The following ARHGAP23 variants were observed in gnomAD, a reference collection of about 807,000 sequenced individuals.
The protein encoded by ARHGAP23 is Rho GTPase activating protein 23.
A neutral mutation model predicts 136.3 loss-of-function variants in ARHGAP23; 34 were observed. The ratio of observed to expected loss-of-function variants is 0.25; its 90% CI spans 0.19 to 0.33. ARHGAP23 has a LOEUF of 0.33. Ranked by LOEUF, ARHGAP23 falls within the 10% of genes least tolerant of loss-of-function variation. ARHGAP23 has a pLI of 1.00. For synonymous variants in ARHGAP23, 832 were observed against 920.5 expected, an observed-to-expected ratio of 0.90 and a Z score of 1.74; for missense variants, 1,808 against 2,139.0, an observed-to-expected ratio of 0.85 and a Z score of 3.05.
rs939981793 is a variant in ARHGAP23 at position 38,467,095 on chromosome 17, C to T, written c.1412C>T (p.Pro471Leu). 9.7e-6 allele frequency: 15 copies of T among 1,550,524 alleles called. No homozygotes were observed. Among genetic ancestry groups the T allele is most frequent in the Middle Eastern group, 1.7e-4 (1 of 6,012 alleles). ...EASEPPRVVR[P>L]EPSTRALEPP... ...TCCGAGCCACCCAGGGTTGTACGGCCGGAACCCAGCACCCGGGCCCTGGAG... is the reference window on the plus strand; with the variant it reads ...TCCGAGCCACCCAGGGTTGTACGGCTGGAACCCAGCACCCGGGCCCTGGAG... Residue 471 changes from proline to leucine, a missense_variant, in exon 7 of 24, where the codon CCG (proline) becomes CTG (leucine). Pro to Leu is a moderately conservative substitution (Grantham distance 98). This residue lies in a region of ARHGAP23 where 859 missense variants were observed against 936.4 expected (regional missense o/e 0.92). Transcript: ENST00000622683.
intron 20 of ARHGAP23, among the ~76,000 whole-genome samples, chr17:38,493,925 C>G (rs2040333616): frequency 1.3e-5 from 2 of 152,198 alleles, no homozygotes; most frequent in Non-Finnish European, 2.9e-5. Flanking sequence ...GGCATTTGCT[C>G]AGGGACTCAC....
chr17:38,471,769 A>T (rs2144673210), intron 10 of ARHGAP23, 94 bp from the exon 11 acceptor site: 2 of 1,403,240 alleles, frequency 1.4e-6, no homozygotes, highest in Middle Eastern at 5.1e-4. Context: ...ACAGACATAT[A>T]TCAGGCCTGT....
intron 23 of ARHGAP23, among the ~76,000 whole-genome samples, chr17:38,501,382 A>G (rs935377622): frequency 6.6e-6 from 1 of 152,000 alleles, no homozygotes; most frequent in Non-Finnish European, 1.5e-5. Flanking sequence ...GCTCACTGCA[A>G]GCTCCGCCTC....
chr17:38,477,695 G>C lies in ARHGAP23; in HGVS notation c.2235G>C (p.Ala745=), dbSNP rs1463082897. The C allele has an allele frequency of 7.1e-7, 1 of 1,416,296 alleles. No homozygotes were observed. Among genetic ancestry groups the C allele is most frequent in the Non-Finnish European group, 9.2e-7 (1 of 1,081,378 alleles). 87.7% of individuals were successfully genotyped at this position (1,416,296 alleles called of 1,614,324 possible). The part of the protein sequence containing the change: ...EPGPAAAGAA[A]AGAGEDEAAP... The stretch of plus-strand genomic sequence containing the variant: ...GGCCGGCGGCGGCGGGGGCTGCGGC[G>C]GCCGGCGCAGGTGAGGACGAGGCGG... The change falls in exon 12 of 24, where the codon GCG becomes GCC. Residue 745 remains alanine (A), a synonymous_variant. Transcript: ENST00000622683. This position sits in a 1 kb window ranked among gnomAD's most constrained non-coding sequence, Gnocchi z 6.6.
intron 1 of ARHGAP23, among the ~76,000 whole-genome samples, chr17:38,455,275 T>C (rs1290279692): frequency 6.6e-6 from 1 of 152,208 alleles, no homozygotes; most frequent in Non-Finnish European, 1.5e-5. Context: ...ATGGGTGTCC[T>C]GGTGTCTCCT....
At chr17:38,449,033 G>A (rs558230684) in intron 1 of ARHGAP23, among the ~76,000 whole-genome samples, 20 of 152,200 alleles carry the variant, frequency 1.3e-4, no homozygotes, top group African/African-American at 4.8e-4. Context: ...TGCCCAGGCT[G>A]GTCTTGAACT....
At chr17:38,424,567 C>T (rs370630236), upstream of ARHGAP23, among the ~76,000 whole-genome samples, 23 of 152,262 alleles carry the variant, frequency 1.5e-4, no homozygotes, top group African/African-American at 4.8e-4. Flanking sequence ...GGGTTCCTCT[C>T]ACTCTTCACT....
At chr17:38,487,239 T>C (rs1296197626) in intron 17 of ARHGAP23, among the ~76,000 whole-genome samples, 1 of 152,230 alleles carries the variant, frequency 6.6e-6, no homozygotes, top group Non-Finnish European at 1.5e-5. Context: ...CTCTACCTCA[T>C]TCTTCTTTTA....
intron 23 of ARHGAP23, among the ~76,000 whole-genome samples, chr17:38,501,535 G>T (rs1016398248): frequency 4.1e-5 from 6 of 146,104 alleles, no homozygotes; most frequent in South Asian, 4.4e-4. Flanking sequence ...TCTCCTGACC[G>T]CGTGATCCGT....
chr17:38,454,866 A>G (rs1369528278), intron 1 of ARHGAP23, among the ~76,000 whole-genome samples: 6 of 152,190 alleles, frequency 3.9e-5, no homozygotes, highest in Non-Finnish European at 7.3e-5. Context: ...TTTGTGGCCT[A>G]AGGCCGTCTG....
rs780429066 is a variant in ARHGAP23, at chr17:38,511,858, T to G, written c.*886T>G. 7 of 152,190 alleles carry G rather than the reference T, an allele frequency of 4.6e-5. No individual in the cohort carries two copies. The highest frequency in any genetic ancestry group is 7.2e-5 in the African/African-American group (3 of 41,394). 9.4% of individuals were successfully genotyped at this position (152,190 alleles called of 1,614,324 possible). A position where few individuals can be genotyped will look rare whatever the true frequency, so the allele number is the denominator to read the frequency against. On this transcript the variant is annotated 3_prime_UTR_variant, in exon 24 of 24. Coordinates refer to ENST00000622683, the MANE Select transcript of ARHGAP23 (RefSeq NM_001199417.2). ...ACACAGAAGCCCACCTTCTTCCCCT[T>G]AGGAGGAGGGATAGTCAACACCCCT...
chr17:38,445,582 G>A (rs947213205), intron 1 of ARHGAP23, among the ~76,000 whole-genome samples: 16 of 151,584 alleles, frequency 1.1e-4, no homozygotes, highest in African/African-American at 3.9e-4. Flanking sequence ...ATCACCATAA[G>A]TGGTGATATT....
At chr17:38,469,953 G>A in intron 10 of ARHGAP23, 49 bp downstream of exon 10, 2 of 1,545,612 alleles carry the variant, frequency 1.3e-6, no homozygotes, top group African/African-American at 1.4e-5. Flanking sequence ...GGTGTGGGGA[G>A]AGAGGGTGTC....
chr17:38,474,706 G>T (rs1246556469), intron 11 of ARHGAP23, among the ~76,000 whole-genome samples: 2 of 152,194 alleles, frequency 1.3e-5, no homozygotes, highest in African/African-American at 4.8e-5. Context: ...GTGCCTCTGT[G>T]CAGGGGCTTG....
intron 17 of ARHGAP23, among the ~76,000 whole-genome samples, chr17:38,488,623 A>G (rs893799907): frequency 6.6e-6 from 1 of 152,196 alleles, no homozygotes; most frequent in Non-Finnish European, 1.5e-5. Context: ...ATCTTGGCTC[A>G]CTGCAACCTC....
At chr17:38,475,918 C>T (rs1196900430) in intron 11 of ARHGAP23, among the ~76,000 whole-genome samples, 1 of 152,052 alleles carries the variant, frequency 6.6e-6, no homozygotes, top group Non-Finnish European at 1.5e-5. Flanking sequence ...GAGCTCAGAT[C>T]TGAAGGGGAA....
At chr17:38,462,718 T>G in intron 3 of ARHGAP23, 128 bp from the exon 4 acceptor site, 1 of 678,214 alleles carries the variant, frequency 1.5e-6, no homozygotes, top group South Asian at 2.3e-5. Flanking sequence ...CGTGGATGTT[T>G]GAGCCTGTGC....
At chr17:38,428,800 A>G (rs917455050) in intron 1 of ARHGAP23, among the ~76,000 whole-genome samples, 3 of 152,104 alleles carry the variant, frequency 2.0e-5, no homozygotes, top group African/African-American at 7.2e-5. Context: ...CGGGGCTGTC[A>G]GGACAGGGGG....
rs576338203 is a variant in ARHGAP23 at position 38,482,505 on chromosome 17, C to T, written c.2752-18C>T. On this transcript the variant is annotated intron_variant, in intron 15 of 23. Transcript: ENST00000622683. ...TCTGGCCCCTGTCCCCCCTAACACCCCTCCCATGTGTCCCCAGCGCGTCCC... is the reference window on the plus strand; with the variant it reads ...TCTGGCCCCTGTCCCCCCTAACACCTCTCCCATGTGTCCCCAGCGCGTCCC... 2.0e-5 allele frequency: 31 copies of T among 1,532,190 alleles called. No homozygotes were observed. In the African/African-American group the frequency reaches 4.3e-4, roughly 21 times the overall value. 94.9% of individuals were successfully genotyped at this position (1,532,190 alleles called of 1,614,324 possible).
Sources: gnomAD v4.1 joint callset for allele counts (sites outside exome capture counted in the v4.1 genomes callset) on GRCh38, gnomAD v4.1.1 for gene constraint, gnomAD v4.1.1 regional missense constraint, Gnocchi (gnomAD v3.1) non-coding constraint, MANE v1.5 for transcripts, NCBI Gene and HGNC (gene_info 2026-07-23, HGNC 2026-07-21) for gene names.